The following CCDC149 variants were observed in gnomAD, a reference collection of about 807,000 sequenced individuals.
CCDC149 encodes coiled-coil domain-containing protein 149.
Under a neutral mutation model 59.9 loss-of-function variants are expected in CCDC149, and 45 were observed. That is an observed-to-expected ratio of 0.75 (90% CI 0.59 to 0.96). The LOEUF (loss-of-function observed/expected upper bound fraction) is 0.96. Ranked by LOEUF, CCDC149 falls within the 40% of genes least tolerant of loss-of-function variation. The probability of loss-of-function intolerance (pLI) is 0.00; values close to 1 mark genes in which losing one functional copy is unlikely to be tolerated. For synonymous variants in CCDC149, 245 were observed against 260.6 expected (o/e 0.94, Z 0.58); for missense variants, 584 against 664.7 (o/e 0.88, Z 1.33).
At chr4:24,855,120 C>T (rs1243896436) in intron 3 of CCDC149, among the ~76,000 whole-genome samples, 1 of 152,174 alleles carries the variant, frequency 6.6e-6, no homozygotes, top group East Asian at 1.9e-4. Flanking sequence ...ACTGACCTCT[C>T]CCAAGCACCT....
At chr4:24,874,222 A>G (rs1719235161) in intron 2 of CCDC149, among the ~76,000 whole-genome samples, 1 of 148,850 alleles carries the variant, frequency 6.7e-6, no homozygotes, top group Admixed American at 6.7e-5. Context: ...AGACATTGAG[A>G]ACTTCTAGTC....
At chr4:24,908,654 C>T (rs1186932357) in intron 1 of CCDC149, among the ~76,000 whole-genome samples, 1 of 152,148 alleles carries the variant, frequency 6.6e-6, no homozygotes, top group Non-Finnish European at 1.5e-5. Context: ...GAGCCATGAT[C>T]GCACCACTGT....
intron 1 of CCDC149, among the ~76,000 whole-genome samples, chr4:24,908,863 T>C (rs1346445622): frequency 6.6e-6 from 1 of 152,244 alleles, no homozygotes; most frequent in African/African-American, 2.4e-5. Context: ...GAATTATGTA[T>C]AGTTTATCAT....
upstream of CCDC149, among the ~76,000 whole-genome samples, chr4:24,913,276 A>C (rs1450277902): frequency 1.3e-5 from 2 of 152,104 alleles, no homozygotes; most frequent in East Asian, 3.9e-4. Context: ...TGTCCCCCGC[A>C]AGAAGCAAAT....
chr4:24,839,187 T>A (rs1286970843), intron 4 of CCDC149, among the ~76,000 whole-genome samples: 1 of 151,932 alleles, frequency 6.6e-6, no homozygotes, highest in African/African-American at 2.4e-5. Flanking sequence ...TCTAACTTTT[T>A]TTTTTTTTTT....
At chr4:24,838,614 T>A (rs1481806886) in intron 4 of CCDC149, among the ~76,000 whole-genome samples, 6 of 151,948 alleles carry the variant, frequency 3.9e-5, no homozygotes, top group African/African-American at 1.5e-4. Context: ...AGATGGGAAC[T>A]CTCCCACACT....
chr4:24,808,309 G>A lies in CCDC149; in HGVS notation c.*80C>T, dbSNP rs976944952. ...CGGAGGTATTTCAGGAGAAGGCGAC[G>A]TGAGCGCACCATTCCGATGCTTCAT... On this transcript the variant is annotated 3_prime_UTR_variant, in exon 13 of 13. Transcript: ENST00000635206. 1.2e-5 allele frequency: 16 copies of A among 1,295,400 alleles called. No homozygotes were observed. Among genetic ancestry groups the A allele is most frequent in the African/African-American group, 8.9e-5 (6 of 67,110 alleles). 80.2% of individuals were successfully genotyped at this position (1,295,400 alleles called of 1,614,324 possible).
At chr4:24,926,801 G>C (rs1377024021) in intron 1 of CCDC149, among the ~76,000 whole-genome samples, 1 of 152,198 alleles carries the variant, frequency 6.6e-6, no homozygotes. Flanking sequence ...TGGATCGTCT[G>C]AAGGTTTCTT....
At chr4:24,895,911 A>G (rs112389957) in intron 1 of CCDC149, among the ~76,000 whole-genome samples, 39 of 152,318 alleles carry the variant, frequency 2.6e-4, no homozygotes, top group African/African-American at 9.4e-4. Flanking sequence ...ATCTAGAACC[A>G]GACCCCAAAA....
At chr4:24,835,718 C>T (rs532580044) in intron 7 of CCDC149, among the ~76,000 whole-genome samples, 17 of 152,204 alleles carry the variant, frequency 1.1e-4, no homozygotes, top group Middle Eastern at 6.8e-3. Flanking sequence ...AAAGGAAGAA[C>T]AGCACGGAGA....
At chr4:24,930,684 G>T (rs1198638907) in intron 1 of CCDC149, among the ~76,000 whole-genome samples, 1 of 152,064 alleles carries the variant, frequency 6.6e-6, no homozygotes, top group Non-Finnish European at 1.5e-5. Flanking sequence ...AAGCAGAAAA[G>T]GTTTTGGTTG....
intron 1 of CCDC149, among the ~76,000 whole-genome samples, chr4:24,898,687 A>G (rs970050231): frequency 4.6e-5 from 7 of 152,200 alleles, no homozygotes; most frequent in Admixed American, 6.5e-5. Context: ...CCCCATCCTC[A>G]GGAACCGAGT....
Position 24,837,382 on chromosome 4 carries a change from C to G in CCDC149, c.508G>C (p.Asp170His). 1 of 1,614,110 alleles carries G rather than the reference C, an allele frequency of 6.2e-7. No individual in the cohort carries two copies. The highest frequency in any genetic ancestry group is 8.5e-7 in the Non-Finnish European group (1 of 1,179,992). The change falls in exon 6 of 13, where the codon GAC becomes CAC. Residue 170 changes from aspartate (D) to histidine (H), a missense_variant. Transcript: ENST00000635206. This position sits in a 1 kb window ranked among gnomAD's most constrained non-coding sequence, Gnocchi z 4.3. ...AGCTCGTCCACAGAAGCCTGCAGGTCGTGCTCCAGAGACTCAATCTAAAAC... is the reference window on the plus strand; with the variant it reads ...AGCTCGTCCACAGAAGCCTGCAGGTGGTGCTCCAGAGACTCAATCTAAAAC...
At chr4:24,927,404 G>A (rs1023017426) in intron 1 of CCDC149, among the ~76,000 whole-genome samples, 2 of 152,202 alleles carry the variant, frequency 1.3e-5, no homozygotes, top group East Asian at 3.8e-4. Context: ...TATTACAAAT[G>A]CAGCATAAAT....
At chr4:24,964,186 C>A in intron 1 of CCDC149, among the ~76,000 whole-genome samples, 1 of 67,582 alleles carries the variant, frequency 1.5e-5, no homozygotes. Flanking sequence ...AGAGTGAGAC[C>A]CTATCTAAAA....
At chr4:24,895,521 T>C (rs1023060964) in intron 1 of CCDC149, among the ~76,000 whole-genome samples, 1 of 152,198 alleles carries the variant, frequency 6.6e-6, no homozygotes, top group Non-Finnish European at 1.5e-5. Context: ...TGAATTTACA[T>C]TGCTCGGTGT....
intron 1 of CCDC149, among the ~76,000 whole-genome samples, chr4:24,950,809 A>G (rs769209254): frequency 6.6e-6 from 1 of 152,172 alleles, no homozygotes; most frequent in Non-Finnish European, 1.5e-5. Context: ...TTCTTTCCCA[A>G]TTCAGGGGTC....
intron 1 of CCDC149, among the ~76,000 whole-genome samples, chr4:24,979,709 G>T (rs1231233653): frequency 6.6e-6 from 1 of 152,190 alleles, no homozygotes; most frequent in East Asian, 1.9e-4. Flanking sequence ...GAGTGCAACG[G>T]AAAGAAAAGG....
intron 1 of CCDC149, among the ~76,000 whole-genome samples, chr4:24,924,388 T>C (rs1722380562): frequency 1.3e-5 from 2 of 152,254 alleles, no homozygotes; most frequent in South Asian, 4.1e-4. Context: ...AACGTCACGT[T>C]ATGTTCATGG....
Sources: gnomAD v4.1 joint callset for allele counts (sites outside exome capture counted in the v4.1 genomes callset) on GRCh38, gnomAD v4.1.1 for gene constraint, Gnocchi (gnomAD v3.1) non-coding constraint, MANE v1.5 for transcripts, NCBI Gene and HGNC (gene_info 2026-07-23, HGNC 2026-07-21) for gene names.